The following SLC25A43 variants were observed in gnomAD, a reference collection of about 807,000 sequenced individuals.
SLC25A43 encodes the protein solute carrier family 25, member 43.
Under a neutral mutation model 22.8 loss-of-function variants are expected in SLC25A43, and 10 were observed. That is an observed-to-expected ratio of 0.44 (90% CI 0.27 to 0.74). SLC25A43 has a LOEUF of 0.74. Ranked by LOEUF, SLC25A43 falls within the 30% of genes least tolerant of loss-of-function variation. The pLI is 0.17. For synonymous variants in SLC25A43, 106 were observed against 121.6 expected, an observed-to-expected ratio of 0.87 and a Z score of 0.84; for missense variants, 233 against 279.1, an observed-to-expected ratio of 0.83 and a Z score of 1.18.
At chrX:119,412,834 CTTTT>C in intron 3 of SLC25A43, among the ~76,000 whole-genome samples, 1 of 107,268 alleles carries the variant, frequency 9.3e-6, no homozygotes, top group African/African-American at 3.4e-5. Flanking sequence ...GCATGCTTAT[CTTTT>C]TTTTTTAAGT....
At chrX:119,443,088 C>T (rs1334242662) in intron 3 of SLC25A43, among the ~76,000 whole-genome samples, 2 of 107,895 alleles carry the variant, frequency 1.9e-5, no homozygotes, top group African/African-American at 6.7e-5. Context: ...TATTTACCAT[C>T]TCCAGTCTTT....
rs2052217437 is a variant in SLC25A43 at position 119,399,523 on chromosome X, C to G, written c.120C>G (p.Ala40=). The change falls in exon 1 of 5, where the codon GCC becomes GCG. Residue 40 remains alanine (A), a synonymous_variant. Coordinates refer to ENST00000217909, the MANE Select transcript of SLC25A43 (RefSeq NM_145305.3). ...TAPLELATVL[A]QVGVVRGHAR... ...CCCTGGAGCTCGCCACCGTGCTGGC[C>G]CAGGTTGGCGTCGTGCGAGGCCACG... is the stretch of plus-strand genomic sequence containing the variant. 9.2e-7 allele frequency: 1 copy of G among 1,091,679 alleles called. No homozygotes were observed. Among genetic ancestry groups the G allele is most frequent in the Non-Finnish European group, 1.2e-6 (1 of 839,378 alleles). The allele number at this position is 1,091,679 out of a possible 1,213,427, so 90.0% of individuals were successfully genotyped here.
chrX:119,446,145 C>T (rs2052664946), intron 3 of SLC25A43, among the ~76,000 whole-genome samples: 1 of 62,355 alleles, frequency 1.6e-5, no homozygotes, highest in Admixed American at 2.2e-4. Context: ...GAGTGGGACT[C>T]CATCTCAAAA....
At chrX:119,445,038 C>CAAAAAAAAA (rs780253357) in intron 3 of SLC25A43, among the ~76,000 whole-genome samples, 1 of 35,530 alleles carries the variant, frequency 2.8e-5, no homozygotes, top group Non-Finnish European at 4.8e-5. Flanking sequence ...ACCCTGTCTC[C>CAAAAAAAAA]AAAAAAAAAA....
intron 1 of SLC25A43, among the ~76,000 whole-genome samples, chrX:119,404,820 T>TA (rs36122726): frequency 0.19 from 19,624 of 101,748 alleles, 1,522 homozygotes; most frequent in Middle Eastern, 0.25. Context: ...GCTGATGAGC[T>TA]AAAAAAAAAA....
rs768463370 is a variant in SLC25A43, at chrX:119,450,513, A to G, written c.691-1496A>G. 2.7e-5 allele frequency among the ~76,000 whole-genome samples: 3 copies of G among 111,813 alleles called. No individual in the cohort carries two copies. In the South Asian group the frequency reaches 1.1e-3, roughly 42 times the overall value. ...AATAAGTAAATTATTCCAAATATTA[A>G]AAGGCAGTGAATGCTCTGAAGGTTA... On this transcript the variant is annotated intron_variant, in intron 3 of 4. Coordinates refer to ENST00000217909, the MANE Select transcript of SLC25A43 (RefSeq NM_145305.3).
intron 3 of SLC25A43, among the ~76,000 whole-genome samples, chrX:119,412,505 C>G (rs769536538): frequency 1.8e-5 from 2 of 111,279 alleles, no homozygotes; most frequent in South Asian, 7.6e-4. Flanking sequence ...TTCCCAAGAG[C>G]TGGGACTACA....
At chrX:119,450,944 C>G (rs759722006) in intron 3 of SLC25A43, among the ~76,000 whole-genome samples, 1 of 112,180 alleles carries the variant, frequency 8.9e-6, no homozygotes, top group East Asian at 2.8e-4. Flanking sequence ...AGGTGGATCA[C>G]TTGAGGCCAG....
At chrX:119,435,628 CCCCACCACAGT>C (rs1223237985) in intron 3 of SLC25A43, among the ~76,000 whole-genome samples, 1 of 45,441 alleles carries the variant, frequency 2.2e-5, no homozygotes, top group Non-Finnish European at 3.9e-5. Flanking sequence ...CCTCCCCCGA[CCCCACCACAGT>C]CCCCAGAGTG....
rs2052299285 is a variant in SLC25A43, at chrX:119,406,657, A to T, written c.473A>T (p.Glu158Val). The change falls in exon 2 of 5, where the codon GAA becomes GTA. Residue 158 changes from glutamate (E) to valine (V), a missense_variant. Physicochemically the swap from Glu to Val is moderately radical, Grantham distance 121. Transcript: ENST00000217909. Reference sequence around the variant, plus strand: ...GCTTTTTCTACTATTTACCAACAGGAAGGGTTCCTTGCCCTTTATCGAGGG... The same window carrying T: ...GCTTTTTCTACTATTTACCAACAGGTAGGGTTCCTTGCCCTTTATCGAGGG... ...LHAFSTIYQQ[E>V]GFLALYRGVS... 8.3e-7 allele frequency: 1 copy of T among 1,210,546 alleles called. No homozygotes were observed. Among genetic ancestry groups the T allele is most frequent in the Admixed American group, 2.2e-5 (1 of 45,861 alleles).
intron 1 of SLC25A43, among the ~76,000 whole-genome samples, chrX:119,402,078 T>C (rs2052243315): frequency 8.9e-6 from 1 of 112,350 alleles, no homozygotes; most frequent in Non-Finnish European, 1.9e-5. Flanking sequence ...ATGCCATCCT[T>C]CCTACATCAA....
At chrX:119,400,339 C>CAACA (rs955391320) in intron 1 of SLC25A43, among the ~76,000 whole-genome samples, 17 of 111,554 alleles carry the variant, frequency 1.5e-4, no homozygotes, top group African/African-American at 5.5e-4. Context: ...TCTCCCACAT[C>CAACA]AACAGCTGCT....
chrX:119,452,098 G>A lies in SLC25A43; in HGVS notation c.780G>A (p.Gln260=), dbSNP rs2052711155. 2 of 1,206,427 alleles carry A rather than the reference G, an allele frequency of 1.7e-6. No homozygotes were observed. The highest frequency in any genetic ancestry group is 1.7e-5 in the African/African-American group (1 of 57,496). ...VDCFRQIVKA[Q]GVLGLWNGLT... is the part of the protein sequence containing the mutation. The stretch of plus-strand genomic sequence containing the variant: ...GCTTCCGGCAGATAGTGAAGGCCCA[G>A]GGGGTCCTGGGGCTCTGGAATGGAT... Residue 260 remains glutamine (Q), a synonymous_variant, in exon 4 of 5, where the codon CAG becomes CAA. Coordinates refer to ENST00000217909, the MANE Select transcript of SLC25A43 (RefSeq NM_145305.3).
At chrX:119,420,312 T>C (rs1389519756) in intron 3 of SLC25A43, among the ~76,000 whole-genome samples, 1 of 107,592 alleles carries the variant, frequency 9.3e-6, no homozygotes, top group East Asian at 2.9e-4. Context: ...TTTTTTCTTT[T>C]TGTGAGACAG....
chrX:119,445,968 C>T (rs1290899772), intron 3 of SLC25A43, among the ~76,000 whole-genome samples: 1 of 109,093 alleles, frequency 9.2e-6, no homozygotes, highest in Non-Finnish European at 1.9e-5. Context: ...GCCTGGCCAA[C>T]ATGGTGAAAC....
chrX:119,443,839 G>A (rs1037648640), intron 3 of SLC25A43, among the ~76,000 whole-genome samples: 15 of 109,233 alleles, frequency 1.4e-4, no homozygotes, highest in Admixed American at 6.9e-4. Context: ...TCAACTTCCT[G>A]GGCTCGGTCG....
At chrX:119,404,486 G>C (rs1232811072) in intron 1 of SLC25A43, among the ~76,000 whole-genome samples, 2 of 112,038 alleles carry the variant, frequency 1.8e-5, no homozygotes, top group Non-Finnish European at 3.8e-5. Flanking sequence ...AGGGGCAGGG[G>C]GTGTGGAGCT....
chrX:119,420,536 G>A (rs772974018), intron 3 of SLC25A43, among the ~76,000 whole-genome samples: 2 of 110,582 alleles, frequency 1.8e-5, no homozygotes, highest in Admixed American at 9.7e-5. Context: ...TCAAACTCCT[G>A]GGCTCAAGCC....
intron 3 of SLC25A43, among the ~76,000 whole-genome samples, chrX:119,434,316 A>G (rs1270839710): frequency 2.7e-5 from 3 of 109,496 alleles, no homozygotes; most frequent in Non-Finnish European, 3.8e-5. Flanking sequence ...AAAGTTTCAG[A>G]TGTTCAGTAG....
Sources: gnomAD v4.1 joint callset for allele counts (sites outside exome capture counted in the v4.1 genomes callset) on GRCh38, gnomAD v4.1.1 for gene constraint, MANE v1.5 for transcripts, NCBI Gene and HGNC (gene_info 2026-07-23, HGNC 2026-07-21) for gene names.